Variants in ERCC6L2 observed in about 807,000 individuals in gnomAD.
ERCC6L2 encodes the protein ERCC excision repair 6 like 2, also known as DNA excision repair protein ERCC-6-like 2.
In ERCC6L2, 77 loss-of-function variants were observed where a neutral mutation model predicts 132.0. That is an observed-to-expected ratio of 0.58 (90% confidence interval 0.49 to 0.71). The LOEUF is 0.71. Ranked by LOEUF, ERCC6L2 falls within the 30% of genes least tolerant of loss-of-function variation. The probability of loss-of-function intolerance (pLI) is 0.00; values close to 1 mark genes in which losing one functional copy is unlikely to be tolerated. For synonymous variants in ERCC6L2, 583 were observed against 632.4 expected (o/e 0.92, Z 1.17); for missense variants, 1,542 against 1,837.6 (o/e 0.84, Z 2.94).
chr9:96,002,424 T>TA (rs1833719777), intron 17 of ERCC6L2, among the ~76,000 whole-genome samples: 1 of 19,054 alleles, frequency 5.2e-5, no homozygotes, highest in Non-Finnish European at 8.0e-5. Context: ...TTAGTTTGGC[T>TA]TTTTTTTTTT....
chr9:95,939,858 C>T (rs759686928), intron 11 of ERCC6L2, among the ~76,000 whole-genome samples: 5 of 152,004 alleles, frequency 3.3e-5, no homozygotes, highest in Non-Finnish European at 5.9e-5. Flanking sequence ...TTTATTGTAT[C>T]ATTGTGTCTT....
chr9:95,969,121 A>G (rs752294380), intron 14 of ERCC6L2, among the ~76,000 whole-genome samples: 4 of 152,070 alleles, frequency 2.6e-5, no homozygotes, highest in Non-Finnish European at 4.4e-5. Context: ...GTGATCTCCA[A>G]TGTCAGGGAG....
chr9:95,922,502 T>G, intron 8 of ERCC6L2, 84 bp downstream of exon 8: 2 of 798,216 alleles, frequency 2.5e-6, no homozygotes, highest in Non-Finnish European at 2.0e-6. Flanking sequence ...AAATAAAGTT[T>G]TTGTGGATGA....
chr9:95,995,230 TTCAATAAATA>T (rs1833433190), intron 17 of ERCC6L2, among the ~76,000 whole-genome samples: 1 of 152,234 alleles, frequency 6.6e-6, no homozygotes. Flanking sequence ...AGTTGAGCCT[TTCAATAAATA>T]TCATTTCAAT....
Position 96,025,545 on chromosome 9 carries a change from GACACTGAGCTACACA to G in ERCC6L2, c.*1504-13326_*1504-13312del, listed in dbSNP as rs576392800. Among the ~76,000 whole-genome samples the G allele has an allele frequency of 7.6e-4, 115 of 152,286 alleles. 1 individual carries two copies. The South Asian group carries it at 0.022, about 29-fold the overall frequency. On this transcript the variant is annotated intron_variant and NMD_transcript_variant, in intron 19 of 20. Transcript: ENST00000670016. ...GAGATGACTAGGAGTAGCAGGAAGG[GACACTGAGCTACACA>G]ACACATCCAAAGCCCACCACACATC...
intron 17 of ERCC6L2, among the ~76,000 whole-genome samples, chr9:96,001,865 T>C (rs940248545): frequency 3.9e-5 from 6 of 152,188 alleles, no homozygotes; most frequent in Non-Finnish European, 8.8e-5. Flanking sequence ...CCCTGCCCCG[T>C]GGGAAGGCAG....
chr9:95,957,408 ATTT>A (rs34977945), intron 13 of ERCC6L2, among the ~76,000 whole-genome samples: 122 of 136,914 alleles, frequency 8.9e-4, no homozygotes, highest in East Asian at 7.1e-3. Flanking sequence ...TAAACAGTTC[ATTT>A]TTTTTTTTTT....
chr9:95,948,791 G>GAAAAAA (rs55712485), intron 12 of ERCC6L2, among the ~76,000 whole-genome samples: 3 of 104,062 alleles, frequency 2.9e-5, no homozygotes, highest in African/African-American at 4.2e-5. Context: ...CAAGACATTA[G>GAAAAAA]AAAAAAAAAA....
At chr9:95,916,456 A>G (rs953627611) in intron 6 of ERCC6L2, 22 bp downstream of exon 6, 4 of 1,457,486 alleles carry the variant, frequency 2.7e-6, no homozygotes, top group African/African-American at 2.9e-5. Flanking sequence ...ATTTGTATAT[A>G]TTATTAATTT....
intron 13 of ERCC6L2, among the ~76,000 whole-genome samples, chr9:95,959,771 C>T (rs1831813954): frequency 1.3e-5 from 2 of 151,474 alleles, no homozygotes; most frequent in African/African-American, 4.9e-5. Context: ...AAAAATAAAC[C>T]TGTAAAAATG....
chr9:95,968,309 A>G (rs942475826), intron 14 of ERCC6L2: 2 of 152,110 alleles, frequency 1.3e-5, no homozygotes, highest in African/African-American at 2.4e-5. Flanking sequence ...ATATTAACCT[A>G]TTTTCTAATT....
intron 9 of ERCC6L2, among the ~76,000 whole-genome samples, chr9:95,927,787 T>G (rs1024939571): frequency 6.6e-6 from 1 of 152,168 alleles, no homozygotes; most frequent in Non-Finnish European, 1.5e-5. Context: ...ATTAATCCAT[T>G]TAAATGCATC....
In ERCC6L2 at chr9:95,875,923, G is replaced by T. The variant is rs1400424503; in HGVS notation, c.-116G>T. The T allele has an allele frequency of 8.8e-7, 1 of 1,140,678 alleles. No individual in the cohort carries two copies. Among genetic ancestry groups the T allele is most frequent in the African/African-American group, 1.5e-5 (1 of 65,898 alleles). 70.7% of individuals were successfully genotyped at this position (1,140,678 alleles called of 1,614,324 possible). A position where few individuals can be genotyped will look rare whatever the true frequency, so the allele number is the denominator to read the frequency against. On this transcript the variant is annotated 5_prime_UTR_variant, in exon 1 of 19. The change creates a premature stop within an existing upstream ORF in the 5' untranslated region. Coordinates refer to ENST00000653738, the MANE Select transcript of ERCC6L2 (RefSeq NM_020207.7). ...TTCGGGTTGCCGAAGAGCGATGCTC[G>T]GAGGGCGGCCGGAAGTGGCGTTGGC...
At chr9:96,026,781 A>C (rs1173419677) in intron 19 of ERCC6L2, among the ~76,000 whole-genome samples, 9 of 100,230 alleles carry the variant, frequency 9.0e-5, no homozygotes, top group African/African-American at 1.5e-4. Flanking sequence ...ACACACAAAC[A>C]CCACACACAC....
intron 12 of ERCC6L2, chr9:95,954,582 A>G (rs1265701542): frequency 2.9e-6 from 1 of 345,568 alleles, no homozygotes; most frequent in East Asian, 7.5e-5. Flanking sequence ...GATGAAGTAT[A>G]GGCGCACAGT....
intron 14 of ERCC6L2, chr9:95,967,100 A>C (rs686048): frequency 0.26 from 40,523 of 153,394 alleles, 5,944 homozygotes; most frequent in East Asian, 0.4. Flanking sequence ...ACTCCCTGAG[A>C]TGTACTCTCA....
At chr9:95,985,144 A>G (rs996874087) in intron 17 of ERCC6L2, among the ~76,000 whole-genome samples, 37 of 152,278 alleles carry the variant, frequency 2.4e-4, no homozygotes, top group African/African-American at 8.2e-4. Flanking sequence ...CCCATTCTCT[A>G]TGCCAGTCAT....
intron 16 of ERCC6L2, among the ~76,000 whole-genome samples, chr9:95,973,823 C>G (rs1384841189): frequency 6.6e-6 from 1 of 152,124 alleles, no homozygotes; most frequent in Non-Finnish European, 1.5e-5. Flanking sequence ...ATTATATAGT[C>G]TTTTTTAATC....
At chr9:95,884,401 A>G (rs192097245) in intron 2 of ERCC6L2, among the ~76,000 whole-genome samples, 1 of 152,340 alleles carries the variant, frequency 6.6e-6, no homozygotes, top group African/African-American at 2.4e-5. Context: ...TGTGTTAACT[A>G]AAATTTCAGA....
Sources: gnomAD v4.1 joint callset for allele counts (sites outside exome capture counted in the v4.1 genomes callset) on GRCh38, gnomAD v4.1.1 for gene constraint, MANE v1.5 for transcripts, NCBI Gene and HGNC (gene_info 2026-07-23, HGNC 2026-07-21) for gene names.